PTPRO: variants seen among roughly 807,000 people sequenced by gnomAD.
PTPRO encodes the protein protein tyrosine phosphatase receptor type O.
In PTPRO, 62 loss-of-function variants were observed where a neutral mutation model predicts 145.2. That is an observed-to-expected ratio of 0.43 (90% CI 0.35 to 0.53). The LOEUF (loss-of-function observed/expected upper bound fraction) is 0.53. Among genes scored for constraint, PTPRO ranks in the 20% least tolerant of loss-of-function variants. PTPRO has a pLI of 0.01. For missense variants in PTPRO, 1,345 were observed against 1,482.7 expected (o/e 0.91, Z 1.53); for synonymous variants, 565 against 514.7 (o/e 1.10, Z -1.32).
chr12:15,476,065 G>T (rs890510377), intron 1 of PTPRO, among the ~76,000 whole-genome samples: 3 of 152,100 alleles, frequency 2.0e-5, no homozygotes, highest in South Asian at 2.1e-4. Context: ...AGAGAAGGGC[G>T]CTATGATAGG....
Position 15,555,935 on chromosome 12 carries a change from G to T in PTPRO, c.2559-1520G>T, listed in dbSNP as rs1283828475. Among the ~76,000 whole-genome samples the T allele has an allele frequency of 5.3e-5, 8 of 152,258 alleles. No individual in the cohort carries two copies. In the East Asian group the frequency reaches 1.5e-3, roughly 29 times the overall value. ...AATAGTCTAACAATTTCATCATGGT[G>T]ATGCATATGACCAATATTTCAAGAT... On this transcript the variant is annotated intron_variant, in intron 15 of 26. Transcript: ENST00000281171.
Position 15,322,835 on chromosome 12 carries a change from G to C in PTPRO, c.75+34G>C. 6.3e-7 allele frequency: 1 copy of C among 1,597,878 alleles called. No homozygotes were observed. The highest frequency in any genetic ancestry group is 8.5e-7 in the Non-Finnish European group (1 of 1,172,376). ...GCTCCTCCACCCCTTTTTCCCAGCG[G>C]TCCGGGCGGCAGCCGCGCTCCGGCG... On this transcript the variant is annotated intron_variant, in intron 1 of 26. Transcript: ENST00000281171. This position sits in a 1 kb window ranked among gnomAD's most constrained non-coding sequence, Gnocchi z 6.3.
chr12:15,431,572 C>T (rs1286337893), intron 1 of PTPRO, among the ~76,000 whole-genome samples: 4 of 152,060 alleles, frequency 2.6e-5, no homozygotes, highest in Non-Finnish European at 4.4e-5. Context: ...ATTATAATTT[C>T]AATTATTCTA....
At chr12:15,455,685 T>C (rs1027910544) in intron 1 of PTPRO, among the ~76,000 whole-genome samples, 1 of 152,208 alleles carries the variant, frequency 6.6e-6, no homozygotes, top group Non-Finnish European at 1.5e-5. Context: ...GAAATGCAGC[T>C]GATTTTGTAT....
chr12:15,380,723 C>T (rs934717314), intron 1 of PTPRO, among the ~76,000 whole-genome samples: 5 of 152,072 alleles, frequency 3.3e-5, no homozygotes, highest in East Asian at 1.9e-4. Context: ...TAAGCAAATA[C>T]GTAACCTCTA....
At chr12:15,343,656 C>T (rs1215260511) in intron 1 of PTPRO, among the ~76,000 whole-genome samples, 1 of 152,070 alleles carries the variant, frequency 6.6e-6, no homozygotes, top group African/African-American at 2.4e-5. Context: ...CAGTGCACTC[C>T]AGACAAGATG....
intron 19 of PTPRO, among the ~76,000 whole-genome samples, chr12:15,577,791 T>C (rs1040471423): frequency 1.3e-5 from 2 of 152,202 alleles, no homozygotes; most frequent in African/African-American, 4.8e-5. Context: ...ACTGCATTGG[T>C]TGCACATTGT....
At position 15,436,790 on chromosome 12, in the gene PTPRO, G is replaced by C. The variant is rs534650239; in HGVS notation, c.76-47184G>C. Among the ~76,000 whole-genome samples the C allele has an allele frequency of 2.8e-4, 43 of 152,318 alleles. No homozygotes were observed. In the South Asian group the frequency reaches 6.4e-3, roughly 23 times the overall value. On this transcript the variant is annotated intron_variant, in intron 1 of 26. Coordinates refer to ENST00000281171, the MANE Select transcript of PTPRO (RefSeq NM_030667.3). ...AGATTGAAGCATCTTATCTGGAGTGGGGTGGGGGCCTCCACAGCCAGAACT... is the reference window on the plus strand; with the variant it reads ...AGATTGAAGCATCTTATCTGGAGTGCGGTGGGGGCCTCCACAGCCAGAACT...
intron 1 of PTPRO, among the ~76,000 whole-genome samples, chr12:15,433,153 G>A (rs1940493116): frequency 6.8e-6 from 1 of 146,506 alleles, no homozygotes; most frequent in South Asian, 2.1e-4. Flanking sequence ...TGTCTTTCAG[G>A]GTTTTTACAG....
intron 1 of PTPRO, among the ~76,000 whole-genome samples, chr12:15,332,163 C>T (rs749350728): frequency 6.6e-6 from 1 of 152,052 alleles, no homozygotes; most frequent in Admixed American, 6.6e-5. Flanking sequence ...GACAGAATTT[C>T]ACCATGTTGG....
chr12:15,520,301 G>A lies in PTPRO; in HGVS notation c.1880G>A (p.Ser627Asn), dbSNP rs1942688797. 1 of 1,611,136 alleles carries A rather than the reference G, an allele frequency of 6.2e-7. No individual in the cohort carries two copies. Among genetic ancestry groups the A allele is most frequent in the African/African-American group, 1.3e-5 (1 of 74,938 alleles). ...AGCTGCTGTGACAGCTCTACCATCAGCTTCATAACAGGTGAGGCATGTGTG... is the reference window on the plus strand; with the variant it reads ...AGCTGCTGTGACAGCTCTACCATCAACTTCATAACAGGTGAGGCATGTGTG... ...ELSCCDSSTI[S>N]FITAPVAPEI... Residue 627 changes from serine (S) to asparagine (N), a missense_variant, in exon 10 of 27, where the codon AGC (serine) becomes AAC (asparagine). Around this residue, in one of 3 missense-constraint regions of PTPRO, gnomAD observed 1,130 missense variants for 1,214.7 expected, o/e 0.93. Coordinates refer to ENST00000281171, the MANE Select transcript of PTPRO (RefSeq NM_030667.3).
chr12:15,439,822 C>T (rs1591813225), intron 1 of PTPRO: 1 of 613,448 alleles, frequency 1.6e-6, no homozygotes. Flanking sequence ...TCTTGGGGGC[C>T]TCTCTCAAGA....
chr12:15,501,839 C>T lies in PTPRO; in HGVS notation c.881C>T (p.Thr294Met), dbSNP rs779152143. Residue 294 changes from threonine (T) to methionine (M), a missense_variant, in exon 5 of 27, where the codon ACG becomes ATG. Thr to Met is a moderately conservative substitution (Grantham distance 81, BLOSUM62 -1). Coordinates refer to ENST00000281171, the MANE Select transcript of PTPRO (RefSeq NM_030667.3). ...PDFNSSDYETTSQPYWWDSAS... is the reference protein window; with the variant it reads ...PDFNSSDYETMSQPYWWDSAS... ...TTTAATAGCAGTGACTATGAAACTA[C>T]GTCTCAGCCATATTGGTGGGACAGT... is the stretch of plus-strand genomic sequence containing the variant. The T allele has an allele frequency of 4.2e-5, 67 of 1,613,868 alleles. 1 individual carries two copies. The highest frequency in any genetic ancestry group is 3.5e-4 in the South Asian group (32 of 91,080).
At chr12:15,355,707 A>G (rs1357808966) in intron 1 of PTPRO, among the ~76,000 whole-genome samples, 2 of 152,250 alleles carry the variant, frequency 1.3e-5, no homozygotes, top group Non-Finnish European at 2.9e-5. Context: ...CTGTGTCTTC[A>G]TTAAGTTTCC....
intron 1 of PTPRO, among the ~76,000 whole-genome samples, chr12:15,482,367 G>T (rs187089248): frequency 4.3e-4 from 65 of 152,210 alleles, no homozygotes; most frequent in Non-Finnish European, 2.4e-4. Context: ...CGTTACTAGA[G>T]CCAAGGAAGG....
intron 1 of PTPRO, among the ~76,000 whole-genome samples, chr12:15,358,222 G>A (rs1210015829): frequency 6.3e-5 from 8 of 126,374 alleles, no homozygotes. Flanking sequence ...ATCACACTCT[G>A]GGGCCTGTCA....
intron 20 of PTPRO, 49 bp downstream of exon 20, chr12:15,578,992 GA>G (rs1944249449): frequency 6.9e-7 from 1 of 1,445,030 alleles, no homozygotes. Context: ...AGGGTTGAAG[GA>G]CTGTCATTGC....
intron 25 of PTPRO, among the ~76,000 whole-genome samples, chr12:15,590,496 G>A (rs1049223687): frequency 3.3e-5 from 5 of 152,058 alleles, no homozygotes; most frequent in African/African-American, 9.7e-5. Flanking sequence ...AAATGCTTTG[G>A]TCTTCCTCAT....
chr12:15,418,068 C>A (rs1032856823), intron 1 of PTPRO, among the ~76,000 whole-genome samples: 2 of 151,812 alleles, frequency 1.3e-5, no homozygotes, highest in Non-Finnish European at 2.9e-5. Flanking sequence ...CATCACTAGG[C>A]ACACTCTTAA....
Sources: allele counts gnomAD v4.1 joint callset (sites outside exome capture counted in the v4.1 genomes callset), GRCh38; gene constraint gnomAD v4.1.1; regional missense constraint gnomAD v4.1.1; non-coding constraint Gnocchi (gnomAD v3.1); transcripts MANE v1.5; gene names NCBI Gene and HGNC (gene_info 2026-07-23, HGNC 2026-07-21).